PDPK1: variants seen among roughly 807,000 people sequenced by gnomAD.
PDPK1 encodes 3-phosphoinositide dependent protein kinase 1.
Under a neutral mutation model 39.8 loss-of-function variants are expected in PDPK1, and 7 were observed. The observed-to-expected ratio is 0.18, with a 90% CI of 0.10 to 0.33. The LOEUF (loss-of-function observed/expected upper bound fraction) is 0.33, where lower values mean the gene tolerates loss of function less well. Among genes scored for constraint, PDPK1 ranks in the 10% least tolerant of loss-of-function variants. The probability of loss-of-function intolerance (pLI) is 1.00; values close to 1 mark genes in which losing one functional copy is unlikely to be tolerated. For missense variants in PDPK1, 182 were observed against 384.7 expected (o/e 0.47, Z 4.41); for synonymous variants, 118 against 159.1 (o/e 0.74, Z 1.95).
At position 2,586,750 on chromosome 16, in the gene PDPK1, C is replaced by T. The variant is rs773747255; in HGVS notation, c.1200C>T (p.Ser400=). ...CCTCCTCACACTCCCTGTCAGCCTC[C>T]GACACGGGCCTGCCCCAGAGGTCAG... ...SSSSSHSLSA[S]DTGLPQRSGS... The change falls in exon 11 of 14, where the codon TCC becomes TCT. Residue 400 remains serine (S), a synonymous_variant. Transcript: ENST00000342085. The T allele has an allele frequency of 3.2e-5, 51 of 1,614,132 alleles. No homozygotes were observed. The highest frequency in any genetic ancestry group is 3.8e-5 in the Non-Finnish European group (45 of 1,180,056).
chr16:2,578,035 C>A (rs1032240419), intron 7 of PDPK1, among the ~76,000 whole-genome samples: 4 of 148,888 alleles, frequency 2.7e-5, no homozygotes, highest in African/African-American at 1.0e-4. Flanking sequence ...CCATGCCCAG[C>A]CTGATCGTTT....
In PDPK1 at chr16:2,598,067, C is replaced by G. The variant is rs989554225; in HGVS notation, c.*300C>G. ...CCAGCTCCATGCACGTCAACCCAGT[C>G]CCGCCCAGACTAGTGGACAGACCTG... On this transcript the variant is annotated 3_prime_UTR_variant, in exon 14 of 14. Transcript: ENST00000342085. 4 of 464,934 alleles carry G rather than the reference C, an allele frequency of 8.6e-6. No individual in the cohort carries two copies. The highest frequency in any genetic ancestry group is 3.8e-5 in the East Asian group (1 of 26,666). 28.8% of individuals were successfully genotyped at this position (464,934 alleles called of 1,614,324 possible). A position where few individuals can be genotyped will look rare whatever the true frequency, so the allele number is the denominator to read the frequency against.
intron 1 of PDPK1, among the ~76,000 whole-genome samples, chr16:2,551,649 T>A (rs1317578892): frequency 1.3e-5 from 2 of 150,444 alleles, no homozygotes; most frequent in Non-Finnish European, 3.0e-5. Context: ...GGAGGCGCCC[T>A]GATTTCCATC....
intron 4 of PDPK1, chr16:2,562,706 T>C: frequency 6.6e-6 from 1 of 152,226 alleles, no homozygotes; most frequent in Non-Finnish European, 1.5e-5. Context: ...GGCAGCAAGA[T>C]GCGCTGCCAA....
chr16:2,595,709 G>C (rs1471082297), intron 11 of PDPK1, 84 bp from the exon 12 acceptor site: 1 of 1,091,558 alleles, frequency 9.2e-7, no homozygotes, highest in East Asian at 2.4e-5. Context: ...CCGAGGCTAT[G>C]GGGAGTTCGT....
Position 2,597,101 on chromosome 16 carries a change from T to C in PDPK1, c.1402-22T>C, listed in dbSNP as rs1013748027. ...CGTCAGCACTGGCCTCTGAGGCCTG[T>C]TGTTTTGTGTTTTGGCGTCAGGGTT... On this transcript the variant is annotated intron_variant, in intron 12 of 13. Coordinates refer to ENST00000342085, the MANE Select transcript of PDPK1 (RefSeq NM_002613.5). The surrounding 1 kb of genome is among the most constrained non-coding windows in gnomAD (Gnocchi z 6.3). 2.0e-6 allele frequency: 3 copies of C among 1,537,644 alleles called. No homozygotes were observed. The highest frequency in any genetic ancestry group is 1.8e-6 in the Non-Finnish European group (2 of 1,134,562).
At chr16:2,584,815 G>A (rs533066897) in intron 10 of PDPK1, among the ~76,000 whole-genome samples, 7 of 152,306 alleles carry the variant, frequency 4.6e-5, no homozygotes, top group South Asian at 2.1e-4. Flanking sequence ...CTTGGGGAGC[G>A]GAGTCTGTGC....
intron 11 of PDPK1, chr16:2,592,783 G>T (rs184697131): frequency 2.2e-6 from 1 of 455,406 alleles, no homozygotes; most frequent in Non-Finnish European, 4.4e-6. Context: ...TCTAGATGCC[G>T]CCAGTGGAGC....
chr16:2,590,955 CTT>C (rs1189844610), intron 11 of PDPK1, among the ~76,000 whole-genome samples: 5 of 133,974 alleles, frequency 3.7e-5, no homozygotes, highest in African/African-American at 5.5e-5. Context: ...GGCCAAAAGT[CTT>C]TTTTTTTTTT....
chr16:2,597,752 C>T lies in PDPK1; in HGVS notation c.1656C>T (p.Asp552=), dbSNP rs201375554. The T allele has an allele frequency of 1.0e-4, 164 of 1,611,458 alleles. No homozygotes were observed. Among genetic ancestry groups the T allele is most frequent in the Non-Finnish European group, 1.2e-4 (144 of 1,178,822 alleles). Residue 552 remains aspartate, a synonymous_variant, in exon 14 of 14, where the codon GAC becomes GAT. Transcript: ENST00000342085. The surrounding 1 kb of genome is among the most constrained non-coding windows in gnomAD (Gnocchi z 6.3). ...GGCAGCGATACCAGAGCCACCCGGA[C>T]GCCGCTGTGCAGTGACGTGGCCTGC... ...VWRQRYQSHP[D]AAVQ
intron 1 of PDPK1, among the ~76,000 whole-genome samples, chr16:2,540,573 T>A (rs1463610273): frequency 6.6e-6 from 1 of 152,176 alleles, no homozygotes; most frequent in Non-Finnish European, 1.5e-5. Flanking sequence ...CTGCCCAGGA[T>A]GTCTTCCCAG....
intron 11 of PDPK1, 53 bp downstream of exon 11, chr16:2,586,946 C>G (rs1038614312): frequency 6.7e-7 from 1 of 1,496,380 alleles, no homozygotes; most frequent in Non-Finnish European, 9.3e-7. Context: ...AGCGTGAACA[C>G]GTGGGGGCTT....
At chr16:2,539,435 G>A (rs529232691) in intron 1 of PDPK1, 6 of 152,256 alleles carry the variant, frequency 3.9e-5, no homozygotes, top group Admixed American at 2.6e-4. Flanking sequence ...CGGGGAGTGG[G>A]GGGTTGTGAG....
At chr16:2,556,318 C>A (rs1433305246) in intron 1 of PDPK1, among the ~76,000 whole-genome samples, 1 of 147,260 alleles carries the variant, frequency 6.8e-6, no homozygotes, top group Non-Finnish European at 1.5e-5. Flanking sequence ...AACTCATGGG[C>A]TGAAGTGATC....
rs944726197 is a variant in PDPK1, at chr16:2,597,351, C to T, written c.1554+76C>T. 1 of 1,355,710 alleles carries T rather than the reference C, an allele frequency of 7.4e-7. No homozygotes were observed. 84.0% of individuals were successfully genotyped at this position (1,355,710 alleles called of 1,614,324 possible). The stretch of plus-strand genomic sequence containing the variant: ...CACCACGTGGGAAGCAGCCACAGGC[C>T]TTGGCCAGAGGGAGCAGCGGGGATC... On this transcript the variant is annotated intron_variant, in intron 13 of 13. Coordinates refer to ENST00000342085, the MANE Select transcript of PDPK1 (RefSeq NM_002613.5). This position sits in a 1 kb window ranked among gnomAD's most constrained non-coding sequence, Gnocchi z 6.3.
chr16:2,538,846 T>C (rs964169617), intron 1 of PDPK1: 3 of 1,051,644 alleles, frequency 2.9e-6, no homozygotes, highest in Non-Finnish European at 3.7e-6. Context: ...GTGTCGCTGG[T>C]GTTTCTATAT....
rs1166386181 is a variant in PDPK1, at chr16:2,542,855, C to T, written c.24+4719C>T. The stretch of plus-strand genomic sequence containing the variant: ...TCCTGCGTGTTTGCGGAGCTGGTGA[C>T]AGTGCCCTCTCCCCGTGCTGGAGAG... On this transcript the variant is annotated intron_variant, in intron 1 of 13. Coordinates refer to ENST00000342085, the MANE Select transcript of PDPK1 (RefSeq NM_002613.5). Among the ~76,000 whole-genome samples, 3 of 151,636 alleles carry T rather than the reference C, an allele frequency of 2.0e-5. No homozygotes were observed. The East Asian group carries it at 5.8e-4, about 30-fold the overall frequency.
At chr16:2,588,540 GC>G (rs1467805264) in intron 11 of PDPK1, among the ~76,000 whole-genome samples, 1 of 152,206 alleles carries the variant, frequency 6.6e-6, no homozygotes, top group Non-Finnish European at 1.5e-5. Context: ...TCTGCCTGGG[GC>G]TGTTCTTAGA....
intron 1 of PDPK1, among the ~76,000 whole-genome samples, chr16:2,541,600 C>G (rs1337398577): frequency 6.6e-6 from 1 of 152,150 alleles, no homozygotes; most frequent in Non-Finnish European, 1.5e-5. Flanking sequence ...CCAGGGTGCT[C>G]TATGCTGCTC....
Sources: gnomAD v4.1 joint callset for allele counts (sites outside exome capture counted in the v4.1 genomes callset) on GRCh38, gnomAD v4.1.1 for gene constraint, Gnocchi (gnomAD v3.1) non-coding constraint, MANE v1.5 for transcripts, NCBI Gene and HGNC (gene_info 2026-07-23, HGNC 2026-07-21) for gene names.